Variants in SFMBT2 observed in about 807,000 individuals in gnomAD.
SFMBT2 encodes scm-like with four MBT domains protein 2.
Under a neutral mutation model 110.1 loss-of-function variants are expected in SFMBT2, and 38 were observed. That is an observed-to-expected ratio of 0.35 (90% CI 0.27 to 0.45). The LOEUF is 0.45. Among genes scored for constraint, SFMBT2 ranks in the 20% least tolerant of loss-of-function variants. The pLI is 1.00. For missense variants in SFMBT2, 1,011 were observed against 1,094.9 expected, an observed-to-expected ratio of 0.92 and a Z score of 1.08; for synonymous variants, 425 against 425.4, an observed-to-expected ratio of 1.00 and a Z score of 0.01.
chr10:7,279,874 C>T (rs775901006), intron 6 of SFMBT2, among the ~76,000 whole-genome samples: 8 of 152,232 alleles, frequency 5.3e-5, no homozygotes, highest in African/African-American at 9.7e-5. Flanking sequence ...TCCTTCTGCT[C>T]CTCCAGGTCC....
chr10:7,220,123 A>T (rs1436143427), intron 11 of SFMBT2, among the ~76,000 whole-genome samples: 1 of 152,216 alleles, frequency 6.6e-6, no homozygotes, highest in Non-Finnish European at 1.5e-5. Flanking sequence ...ACATTAATTT[A>T]ATTGTGACAT....
At position 7,320,712 on chromosome 10, in the gene SFMBT2, G is replaced by A. The variant is rs191193933; in HGVS notation, c.437-34758C>T. The A allele has an allele frequency of 1.3e-4, 85 of 652,510 alleles. No homozygotes were observed. In the African/African-American group the frequency reaches 1.5e-3, roughly 12 times the overall value. 40.4% of individuals were successfully genotyped at this position (652,510 alleles called of 1,614,324 possible). On this transcript the variant is annotated intron_variant, in intron 4 of 20. Coordinates refer to ENST00000397167, the MANE Select transcript of SFMBT2 (RefSeq NM_001387889.1). ...AAAGTTTAAAGAGTCTAACCTCAGT[G>A]TTTTGCGGGCTGACATGGAGATTCA... is the stretch of plus-strand genomic sequence containing the variant.
In SFMBT2 at chr10:7,334,431, TC is replaced by T. The variant is rs1462265581; in HGVS notation, c.436+33217del. Reference sequence around the variant, plus strand: ...CTAACGAAACCTCTTTGGAATTAGCTCCCAATCCTTAACTGTACCAAAATGG... The same window carrying T: ...CTAACGAAACCTCTTTGGAATTAGCTCCAATCCTTAACTGTACCAAAATGG... On this transcript the variant is annotated intron_variant, in intron 4 of 20. Transcript: ENST00000397167. 3.9e-5 allele frequency among the ~76,000 whole-genome samples: 6 copies of T among 152,156 alleles called. No individual in the cohort carries two copies. The East Asian group carries it at 7.7e-4, about 20-fold the overall frequency.
Position 7,170,862 on chromosome 10 carries a change from C to T in SFMBT2, c.2544+66G>A. On this transcript the variant is annotated intron_variant, in intron 20 of 20. Coordinates refer to ENST00000397167, the MANE Select transcript of SFMBT2 (RefSeq NM_001387889.1). This position sits in a 1 kb window ranked among gnomAD's most constrained non-coding sequence, Gnocchi z 4.6. ...GGTGTCACGAGGAAGCCGGCTAGGACACGAGGTTCATTTCAGATGCAGAGT... is the reference window on the plus strand; with the variant it reads ...GGTGTCACGAGGAAGCCGGCTAGGATACGAGGTTCATTTCAGATGCAGAGT... The T allele has an allele frequency of 6.2e-7, 1 of 1,602,000 alleles. No homozygotes were observed. The highest frequency in any genetic ancestry group is 8.5e-7 in the Non-Finnish European group (1 of 1,170,894).
At position 7,229,318 on chromosome 10, in the gene SFMBT2, C is replaced by T. The variant is rs1400921612; in HGVS notation, c.1121-1381G>A. 4.6e-5 allele frequency among the ~76,000 whole-genome samples: 7 copies of T among 152,064 alleles called. No homozygotes were observed. The East Asian group carries it at 9.7e-4, about 21-fold the overall frequency. ...AACATAGGCCGGGCGCGGTGGCTCA[C>T]GCCTGTAATCCCAGCACTTTGGGAG... On this transcript the variant is annotated intron_variant, in intron 9 of 20. Coordinates refer to ENST00000397167, the MANE Select transcript of SFMBT2 (RefSeq NM_001387889.1).
At chr10:7,346,373 G>A (rs1244579648) in intron 4 of SFMBT2, among the ~76,000 whole-genome samples, 1 of 152,050 alleles carries the variant, frequency 6.6e-6, no homozygotes, top group African/African-American at 2.4e-5. Context: ...TTGAAACAGA[G>A]GACATGAAAC....
chr10:7,228,730 TC>T (rs1840001982), intron 9 of SFMBT2, among the ~76,000 whole-genome samples: 11 of 85,452 alleles, frequency 1.3e-4, no homozygotes, highest in South Asian at 3.7e-4. Flanking sequence ...TTTCTTTCTT[TC>T]TTTCCTTTCT....
intron 4 of SFMBT2, among the ~76,000 whole-genome samples, chr10:7,307,907 G>A (rs1191105656): frequency 6.6e-6 from 1 of 152,192 alleles, no homozygotes; most frequent in Admixed American, 6.5e-5. Context: ...AAGAATTTCT[G>A]CTATAATATC....
chr10:7,308,785 G>A (rs902877026), intron 4 of SFMBT2, among the ~76,000 whole-genome samples: 10 of 152,172 alleles, frequency 6.6e-5, no homozygotes, highest in Non-Finnish European at 1.5e-4. Flanking sequence ...CATGAATGCT[G>A]TACTTACCAG....
chr10:7,179,829 C>T (rs2692791), intron 16 of SFMBT2, among the ~76,000 whole-genome samples: 147,042 of 152,358 alleles, frequency 0.97, 71,162 homozygotes, highest in East Asian at 1. Context: ...GATGATTTCA[C>T]GGAAACAAGT....
intron 9 of SFMBT2, chr10:7,228,542 C>CATG (rs1839969790): frequency 5.7e-6 from 1 of 174,008 alleles, no homozygotes; most frequent in Non-Finnish European, 1.1e-5. Context: ...GCTGAAGGAA[C>CATG]ATGAGAATTG....
At position 7,172,209 on chromosome 10, in the gene SFMBT2, G is replaced by C; in HGVS notation, c.2152-51C>G. On this transcript the variant is annotated intron_variant, in intron 18 of 20. Transcript: ENST00000397167. The surrounding 1 kb of genome is among the most constrained non-coding windows in gnomAD (Gnocchi z 4.6). ...GGGGCTGGTGGCCCGGGGGCCTGTA[G>C]CGGTGGCCCCGCGGTCAGACCCTGG... 1 of 1,511,900 alleles carries C rather than the reference G, an allele frequency of 6.6e-7. No homozygotes were observed. The highest frequency in any genetic ancestry group is 8.8e-7 in the Non-Finnish European group (1 of 1,130,828). 93.7% of individuals were successfully genotyped at this position (1,511,900 alleles called of 1,614,324 possible). A position where few individuals can be genotyped will look rare whatever the true frequency, so the allele number is the denominator to read the frequency against.
At chr10:7,214,459 C>A in intron 11 of SFMBT2, 1 of 680,404 alleles carries the variant, frequency 1.5e-6, no homozygotes, top group Non-Finnish European at 1.8e-6. Flanking sequence ...TGCCACCGGA[C>A]AATTGCAGAG....
intron 7 of SFMBT2, among the ~76,000 whole-genome samples, chr10:7,271,813 G>C (rs150158220): frequency 2.6e-5 from 4 of 152,190 alleles, no homozygotes; most frequent in Admixed American, 2.6e-4. Context: ...CAAGAGAAGA[G>C]AGCTTCTGCA....
intron 7 of SFMBT2, among the ~76,000 whole-genome samples, chr10:7,271,929 G>A (rs1841599669): frequency 1.3e-5 from 2 of 152,124 alleles, no homozygotes; most frequent in Admixed American, 1.3e-4. Context: ...TTCCCACCGG[G>A]TCCCTCCCAC....
chr10:7,207,667 C>T (rs1331005981), intron 11 of SFMBT2: 12 of 960,208 alleles, frequency 1.2e-5, no homozygotes, highest in Non-Finnish European at 1.5e-5. Context: ...CATAACTTCA[C>T]GAAGCTAAAT....
intron 9 of SFMBT2, among the ~76,000 whole-genome samples, chr10:7,231,355 G>C (rs766313619): frequency 1.3e-5 from 2 of 152,182 alleles, no homozygotes; most frequent in African/African-American, 2.4e-5. Flanking sequence ...TGGGGAGGAG[G>C]GAAATGAGAG....
chr10:7,396,888 G>A (rs1214511803), intron 1 of SFMBT2, among the ~76,000 whole-genome samples: 1 of 138,050 alleles, frequency 7.2e-6, no homozygotes, highest in African/African-American at 2.7e-5. Flanking sequence ...CACACACTGG[G>A]GCCTGTCGTG....
At chr10:7,314,182 T>A (rs1842927453) in intron 4 of SFMBT2, among the ~76,000 whole-genome samples, 1 of 152,230 alleles carries the variant, frequency 6.6e-6, no homozygotes, top group Non-Finnish European at 1.5e-5. Context: ...ATATCCAAAC[T>A]AGCATTTTCC....
Sources: gnomAD v4.1 joint callset for allele counts (sites outside exome capture counted in the v4.1 genomes callset) on GRCh38, gnomAD v4.1.1 for gene constraint, Gnocchi (gnomAD v3.1) non-coding constraint, MANE v1.5 for transcripts, NCBI Gene and HGNC (gene_info 2026-07-23, HGNC 2026-07-21) for gene names.